Variants in KCNT1 observed in about 807,000 individuals in gnomAD.
The protein encoded by KCNT1 is potassium sodium-activated channel subfamily T member 1, also known as potassium channel subfamily T member 1.
In KCNT1, 78 loss-of-function variants were observed where a neutral mutation model predicts 147.8. That is an observed-to-expected ratio of 0.53 (90% CI 0.44 to 0.64). KCNT1 has a LOEUF of 0.64. Among genes scored for constraint, KCNT1 ranks in the 30% least tolerant of loss-of-function variants. The pLI is 0.00. For synonymous variants in KCNT1, 867 were observed against 748.8 expected, an observed-to-expected ratio of 1.16 and a Z score of -2.58; for missense variants, 1,419 against 1,750.3, an observed-to-expected ratio of 0.81 and a Z score of 3.38.
chr9:135,788,293 C>T (rs1588413244), intron 29 of KCNT1: 1 of 784,222 alleles, frequency 1.3e-6, no homozygotes, highest in Admixed American at 1.8e-5. Flanking sequence ...CAGGTGTCAG[C>T]CCAGGCGGCC....
intron 20 of KCNT1, 23 bp from the exon 21 acceptor site, chr9:135,777,315 C>G (rs372327865): frequency 3.1e-6 from 5 of 1,604,728 alleles, no homozygotes; most frequent in Non-Finnish European, 4.3e-6. Flanking sequence ...GACTCCAGCC[C>G]TGACTCCAGC....
intron 29 of KCNT1, among the ~76,000 whole-genome samples, chr9:135,788,410 G>A (rs766294190): frequency 1.6e-4 from 24 of 152,372 alleles, no homozygotes; most frequent in Non-Finnish European, 2.2e-4. Context: ...GCTGTTGGCC[G>A]CCAGGCAGAG....
intron 2 of KCNT1, among the ~76,000 whole-genome samples, chr9:135,723,455 G>A (rs1286841323): frequency 1.3e-5 from 2 of 152,236 alleles, no homozygotes; most frequent in Non-Finnish European, 2.9e-5. Flanking sequence ...CCACAGGGTG[G>A]CAGGCAGGGA....
intron 1 of KCNT1, among the ~76,000 whole-genome samples, chr9:135,709,481 A>G (rs767111199): frequency 4.6e-5 from 7 of 152,174 alleles, no homozygotes; most frequent in Non-Finnish European, 8.8e-5. Context: ...CGATTCCATC[A>G]TAATTAATCC....
chr9:135,732,032 A>AGAGAGAGG, intron 2 of KCNT1, among the ~76,000 whole-genome samples: 1 of 133,258 alleles, frequency 7.5e-6, no homozygotes, highest in Non-Finnish European at 1.6e-5. Context: ...AGAGAGAGAG[A>AGAGAGAGG]GAGAGAGAGG....
intron 2 of KCNT1, among the ~76,000 whole-genome samples, chr9:135,725,632 C>T (rs1836104697): frequency 6.6e-6 from 1 of 152,052 alleles, no homozygotes; most frequent in South Asian, 2.1e-4. Context: ...CCCAGGACAC[C>T]CATGCACAAA....
At chr9:135,719,588 C>A (rs998204386) in intron 2 of KCNT1, among the ~76,000 whole-genome samples, 2 of 152,204 alleles carry the variant, frequency 1.3e-5, no homozygotes, top group African/African-American at 4.8e-5. Flanking sequence ...CCCACCGGGG[C>A]CACTGAAGCC....
At chr9:135,758,386 C>T (rs1365919992) in intron 9 of KCNT1, 28 bp from the exon 10 acceptor site, 5 of 1,572,380 alleles carry the variant, frequency 3.2e-6, no homozygotes, top group Non-Finnish European at 4.4e-6. Context: ...CAGTCCCTGC[C>T]CGCTGACAGC....
At chr9:135,765,962 GTGGACCATTCAGGGTGGACCTTCTGGGA>G (rs1564363760) in intron 13 of KCNT1, among the ~76,000 whole-genome samples, 1 of 152,078 alleles carries the variant, frequency 6.6e-6, no homozygotes, top group African/African-American at 2.4e-5. Context: ...ATCGTCTGGG[GTGGACCATTCAGGGTGGACCTTCTGGGA>G]TGGACCATTT....
intron 2 of KCNT1, among the ~76,000 whole-genome samples, chr9:135,731,977 T>G (rs868770052): frequency 2.0e-4 from 6 of 30,140 alleles, no homozygotes; most frequent in East Asian, 1.3e-3. Flanking sequence ...TATATATATA[T>G]ATATATATAT....
At chr9:135,782,816 TG>T (rs768525768) in intron 24 of KCNT1, among the ~76,000 whole-genome samples, 46 of 152,348 alleles carry the variant, frequency 3.0e-4, no homozygotes, top group East Asian at 2.9e-3. Flanking sequence ...TCACCACGAT[TG>T]CAAACTCACA....
chr9:135,786,068 A>G (rs1025436061), intron 28 of KCNT1, 129 bp from the exon 29 acceptor site: 7 of 759,650 alleles, frequency 9.2e-6, no homozygotes, highest in Admixed American at 2.9e-5. Flanking sequence ...CTTCCCTAAC[A>G]CCCCCAGCTG....
intron 17 of KCNT1, 129 bp from the exon 18 acceptor site, chr9:135,770,728 C>A: frequency 1.0e-6 from 1 of 966,164 alleles, no homozygotes. Flanking sequence ...GGTCCCTGAC[C>A]CCAAATGGCC....
At chr9:135,758,645 G>A in intron 10 of KCNT1, 137 bp downstream of exon 10, 1 of 698,066 alleles carries the variant, frequency 1.4e-6, no homozygotes, top group Non-Finnish European at 2.5e-6. Context: ...GGCTGCGGGT[G>A]TCGGGCCACC....
chr9:135,784,452 C>T (rs1564390474), intron 25 of KCNT1, 83 bp from the exon 26 acceptor site: 2 of 1,033,394 alleles, frequency 1.9e-6, no homozygotes, highest in Admixed American at 4.1e-5. Context: ...GGACCTGTGT[C>T]CCACGCCCGT....
At chr9:135,721,167 C>T (rs944185592) in intron 2 of KCNT1, among the ~76,000 whole-genome samples, 4 of 152,168 alleles carry the variant, frequency 2.6e-5, no homozygotes, top group Non-Finnish European at 4.4e-5. Context: ...TGGCCCCCAA[C>T]GCTCTCGGCC....
At chr9:135,768,794 G>A in intron 14 of KCNT1, 35 bp from the exon 15 acceptor site, 4 of 1,581,982 alleles carry the variant, frequency 2.5e-6, no homozygotes, top group Non-Finnish European at 2.6e-6. Context: ...ACAGAGGCCA[G>A]CCCGTCTGCA....
At chr9:135,702,843 AG>A (rs200244938) in intron 1 of KCNT1, among the ~76,000 whole-genome samples, 2,758 of 152,230 alleles carry the variant, frequency 0.018, 38 homozygotes, top group Non-Finnish European at 0.028. Context: ...CAACCTTCCA[AG>A]GAAGAGTCCC....
chr9:135,726,460 C>T (rs1336801359), intron 2 of KCNT1, among the ~76,000 whole-genome samples: 1 of 152,028 alleles, frequency 6.6e-6, no homozygotes, highest in Non-Finnish European at 1.5e-5. Context: ...TGGCCAGGGC[C>T]GCATCTTTAC....
Sources: allele counts gnomAD v4.1 joint callset (sites outside exome capture counted in the v4.1 genomes callset), GRCh38; gene constraint gnomAD v4.1.1; transcripts MANE v1.5; gene names NCBI Gene and HGNC (gene_info 2026-07-23, HGNC 2026-07-21).